NWD1: variants seen among roughly 807,000 people sequenced by gnomAD.
NWD1 encodes NACHT domain- and WD repeat-containing protein 1.
A neutral mutation model predicts 135.1 loss-of-function variants in NWD1; 129 were observed. The ratio of observed to expected loss-of-function variants is 0.96; its 90% confidence interval spans 0.83 to 1.11. The LOEUF is 1.11. Among genes scored for constraint, NWD1 ranks in the 50% least tolerant of loss-of-function variants. The pLI, the probability that NWD1 is intolerant of heterozygous loss-of-function variation, is 0.00. For missense variants in NWD1, 1,740 were observed against 1,851.3 expected (o/e 0.94, Z 1.10); for synonymous variants, 773 against 786.0 (o/e 0.98, Z 0.28).
intron 10 of NWD1, among the ~76,000 whole-genome samples, chr19:16,766,076 G>A (rs1969214836): frequency 6.6e-6 from 1 of 150,974 alleles, no homozygotes; most frequent in African/African-American, 2.4e-5. Flanking sequence ...ACTATTTCGA[G>A]AAAACTCGAG....
At chr19:16,769,459 T>TAAA (rs35986056) in intron 10 of NWD1, among the ~76,000 whole-genome samples, 43 of 148,118 alleles carry the variant, frequency 2.9e-4, no homozygotes, top group East Asian at 9.9e-4. Flanking sequence ...AAAATTCCAT[T>TAAA]AAAAAAAAAA....
At chr19:16,731,054 G>A in intron 2 of NWD1, 138 bp from the exon 3 acceptor site, 1 of 541,112 alleles carries the variant, frequency 1.8e-6, no homozygotes, top group Non-Finnish European at 3.3e-6. Flanking sequence ...GACCAGCCTG[G>A]GCAACATAGC....
At chr19:16,779,185 C>T (rs981826385) in intron 11 of NWD1, among the ~76,000 whole-genome samples, 158 bp from the exon 12 acceptor site, 2 of 152,104 alleles carry the variant, frequency 1.3e-5, no homozygotes, top group East Asian at 1.9e-4. Context: ...TCTGAGTCTG[C>T]GAATCTAATC....
chr19:16,809,266 T>C (rs1337088005), intron 18 of NWD1, among the ~76,000 whole-genome samples: 1 of 151,788 alleles, frequency 6.6e-6, no homozygotes, highest in African/African-American at 2.4e-5. Context: ...GTGTTTTTAG[T>C]AGAGAAGGGG....
At position 16,721,471 on chromosome 19, in the gene NWD1, C is replaced by T. The variant is rs528950011; in HGVS notation, c.-105+1178C>T. 100 of 152,290 alleles carry T rather than the reference C, an allele frequency of 6.6e-4. No homozygotes were observed. In the Middle Eastern group the frequency reaches 0.01, roughly 15 times the overall value. 9.4% of individuals were successfully genotyped at this position (152,290 alleles called of 1,614,324 possible). On this transcript the variant is annotated intron_variant, in intron 1 of 18. Coordinates refer to ENST00000524140, the MANE Select transcript of NWD1 (RefSeq NM_001007525.5). ...AGGAGCCTGCTGGGACCCAGGAAAA[C>T]GAGAGAAGGAACAGAAATTGTGGTG...
At chr19:16,787,946 A>G (rs1348533535) in intron 12 of NWD1, among the ~76,000 whole-genome samples, 1 of 132,214 alleles carries the variant, frequency 7.6e-6, no homozygotes, top group African/African-American at 2.9e-5. Flanking sequence ...TCATCATCAT[A>G]GGCCAGGCGC....
chr19:16,803,860 G>A (rs1970675654), intron 17 of NWD1, among the ~76,000 whole-genome samples: 1 of 151,936 alleles, frequency 6.6e-6, no homozygotes. Flanking sequence ...GGGAGGTGGA[G>A]GCTGCAGTGA....
At chr19:16,807,429 G>A (rs1377364505) in intron 17 of NWD1, among the ~76,000 whole-genome samples, 157 bp from the exon 18 acceptor site, 5 of 152,114 alleles carry the variant, frequency 3.3e-5, no homozygotes, top group African/African-American at 1.2e-4. Flanking sequence ...GGAGGTGGAG[G>A]TTACGGTGAC....
At chr19:16,773,958 C>G (rs929309285) in intron 11 of NWD1, among the ~76,000 whole-genome samples, 2 of 148,620 alleles carry the variant, frequency 1.3e-5, no homozygotes, top group African/African-American at 2.5e-5. Flanking sequence ...ATCCATCCAT[C>G]CATCCATCCA....
Position 16,749,275 on chromosome 19 carries a change from C to T in NWD1, c.633C>T (p.Leu211=), listed in dbSNP as rs773641549. ...GCGCCCTTAGGATGGTGGACCGGCT[C>T]GCGGATGGCTGCCTGGACGCTGATG... ...EDCALRMVDR[L]ADGCLDADAQ... is the part of the protein sequence containing the mutation. The change falls in exon 6 of 19, where the codon CTC becomes CTT. Residue 211 remains leucine (L), a synonymous_variant. Transcript: ENST00000524140. The T allele has an allele frequency of 1.3e-5, 21 of 1,614,052 alleles. No homozygotes were observed. The South Asian group carries it at 1.3e-4, about 10-fold the overall frequency.
Position 16,763,960 on chromosome 19 carries a change from C to A in NWD1, c.2251+15C>A. 1 of 1,520,058 alleles carries A rather than the reference C, an allele frequency of 6.6e-7. No homozygotes were observed. The highest frequency in any genetic ancestry group is 1.1e-5 in the South Asian group (1 of 89,198). 94.2% of individuals were successfully genotyped at this position (1,520,058 alleles called of 1,614,324 possible). A position where few individuals can be genotyped will look rare whatever the true frequency, so the allele number is the denominator to read the frequency against. On this transcript the variant is annotated intron_variant, in intron 9 of 18. Coordinates refer to ENST00000524140, the MANE Select transcript of NWD1 (RefSeq NM_001007525.5). Reference sequence around the variant, plus strand: ...GGAGGTTCTGGGTAAGGGCTGCCCCCCATCTCAGAGGACCGAGCCTGGTGA... The same window carrying A: ...GGAGGTTCTGGGTAAGGGCTGCCCCACATCTCAGAGGACCGAGCCTGGTGA...
intron 15 of NWD1, among the ~76,000 whole-genome samples, chr19:16,796,424 T>A (rs1970419031): frequency 6.6e-6 from 1 of 152,082 alleles, no homozygotes; most frequent in Non-Finnish European, 1.5e-5. Context: ...ATCATGCCAC[T>A]GCCACAAAAG....
chr19:16,785,661 T>C (rs1970013708), intron 12 of NWD1, among the ~76,000 whole-genome samples: 1 of 150,120 alleles, frequency 6.7e-6, no homozygotes, highest in Admixed American at 6.7e-5. Flanking sequence ...TTAATCTATA[T>C]TTTTGTGTAT....
At chr19:16,754,871 C>T (rs536009087) in intron 6 of NWD1, among the ~76,000 whole-genome samples, 20 of 152,280 alleles carry the variant, frequency 1.3e-4, no homozygotes, top group Admixed American at 1.2e-3. Context: ...TCCATCCATC[C>T]ATCCATTCAT....
intron 6 of NWD1, among the ~76,000 whole-genome samples, chr19:16,753,196 TG>T (rs1968647007): frequency 6.6e-6 from 1 of 152,208 alleles, no homozygotes; most frequent in East Asian, 1.9e-4. Flanking sequence ...TCGGCCCCTC[TG>T]GAACTTCAGC....
chr19:16,739,969 T>C (rs1181855735), intron 4 of NWD1, among the ~76,000 whole-genome samples: 1 of 152,112 alleles, frequency 6.6e-6, no homozygotes, highest in Non-Finnish European at 1.5e-5. Context: ...CTATTTTCTG[T>C]TGCTTATAAC....
At chr19:16,792,682 C>T (rs976208305) in intron 14 of NWD1, among the ~76,000 whole-genome samples, 3 of 142,654 alleles carry the variant, frequency 2.1e-5, no homozygotes, top group African/African-American at 7.9e-5. Flanking sequence ...AACTCCATCT[C>T]AGAACAAAAC....
At chr19:16,746,291 C>T (rs773999814) in intron 5 of NWD1, among the ~76,000 whole-genome samples, 9 of 151,484 alleles carry the variant, frequency 5.9e-5, no homozygotes, top group Admixed American at 3.3e-4. Context: ...GCCTAGGAGG[C>T]GGAGATTGCA....
At chr19:16,765,295 AC>A (rs1199229001) in intron 10 of NWD1, 103 bp downstream of exon 10, 3 of 1,113,860 alleles carry the variant, frequency 2.7e-6, no homozygotes, top group Non-Finnish European at 3.8e-6. Context: ...CAATTCTCAT[AC>A]CTTTCCTGTC....
Sources: allele counts gnomAD v4.1 joint callset (sites outside exome capture counted in the v4.1 genomes callset), GRCh38; gene constraint gnomAD v4.1.1; transcripts MANE v1.5; gene names NCBI Gene and HGNC (gene_info 2026-07-23, HGNC 2026-07-21).